RIF1: variants seen among roughly 807,000 people sequenced by gnomAD.
RIF1 encodes the protein replication timing regulatory factor 1.
RIF1 carries 45 observed loss-of-function variants against 247.1 expected under a neutral mutation model. The ratio of observed to expected loss-of-function variants is 0.18; its 90% confidence interval spans 0.14 to 0.23. RIF1 has a LOEUF of 0.23. RIF1 is among the 10% of genes least tolerant of loss of function. The pLI is 1.00. For synonymous variants in RIF1, 1,087 were observed against 978.8 expected, an observed-to-expected ratio of 1.11 and a Z score of -2.06; for missense variants, 2,967 against 2,862.5, an observed-to-expected ratio of 1.04 and a Z score of -0.83.
At chr2:151,525,575 G>A in the RIF1 span, among the ~76,000 whole-genome samples, 1 of 152,184 alleles carries the variant, frequency 6.6e-6, no homozygotes, top group African/African-American at 2.4e-5. Flanking sequence ...GGTTACTACA[G>A]CATTATTGAT....
At chr2:151,491,020 T>C (rs2056107034) in intron 9 of RIF1, among the ~76,000 whole-genome samples, 1 of 149,322 alleles carries the variant, frequency 6.7e-6, no homozygotes, top group Non-Finnish European at 1.5e-5. Context: ...CTTTGAGGAC[T>C]GTCTCTACAT....
At position 151,464,666 on chromosome 2, in the gene RIF1, C is replaced by G; in HGVS notation, c.5146C>G (p.Leu1716Val). 6.2e-7 allele frequency: 1 copy of G among 1,612,944 alleles called. No individual in the cohort carries two copies. Among genetic ancestry groups the G allele is most frequent in the Non-Finnish European group, 8.5e-7 (1 of 1,179,332 alleles). The change falls in exon 30 of 36, where the codon CTT becomes GTT. Residue 1716 changes from leucine (L) to valine (V), a missense_variant. Around this residue, in one of 7 missense-constraint regions of RIF1, gnomAD observed 2,028 missense variants for 1,825.6 expected, o/e 1.11. Transcript: ENST00000444746. The part of the protein sequence containing the change: ...SSLSEKTFQT[L>V]ECQHKRSRRV... Reference sequence around the variant, plus strand: ...GCTTTCAGAAAAAACTTTTCAAACACTTGAATGCCAACACAAGAGAAGTAG... The same window carrying G: ...GCTTTCAGAAAAAACTTTTCAAACAGTTGAATGCCAACACAAGAGAAGTAG...
rs1559038333 is a variant in RIF1, at chr2:151,474,871, G to A, written c.7219G>A (p.Val2407Ile). Residue 2407 changes from valine to isoleucine, a missense_variant, in exon 36 of 36, where the codon GTT becomes ATT. Val to Ile is a conservative substitution (Grantham distance 29). Coordinates refer to ENST00000444746, the MANE Select transcript of RIF1 (RefSeq NM_018151.5). Reference protein sequence around the residue: ...ERLVSDIIDPVALEIPLSKNL... With the variant: ...ERLVSDIIDPIALEIPLSKNL... Reference sequence around the variant, plus strand: ...TTCTCTTTTAGATATAATTGATCCTGTTGCTTTAGAAATTCCATTATCCAA... The same window carrying A: ...TTCTCTTTTAGATATAATTGATCCTATTGCTTTAGAAATTCCATTATCCAA... The A allele has an allele frequency of 3.9e-6, 6 of 1,541,194 alleles. No homozygotes were observed. Among genetic ancestry groups the A allele is most frequent in the Non-Finnish European group, 5.4e-6 (6 of 1,115,492 alleles).
In RIF1 at chr2:151,491,716, T is replaced by C. The variant is rs1416760785; in HGVS notation, c.*416-3513T>C. 7 of 1,598,292 alleles carry C rather than the reference T, an allele frequency of 4.4e-6. No individual in the cohort carries two copies. In the Admixed American group the frequency reaches 1.0e-4, roughly 24 times the overall value. On this transcript the variant is annotated intron_variant and NMD_transcript_variant, in intron 9 of 13. Transcript: ENST00000454583. The stretch of plus-strand genomic sequence containing the variant: ...ATGTGTAAGCTTCGGGACTGGATGT[T>C]GTCTTCTGCTGGATCATAGTCAAAA...
rs775390477 is a variant in RIF1, at chr2:151,461,109, T to C, written c.3076-29T>C. 5 of 1,592,830 alleles carry C rather than the reference T, an allele frequency of 3.1e-6. No individual in the cohort carries two copies. In the East Asian group the frequency reaches 9.0e-5, roughly 29 times the overall value. ...GGAAAATAATTTGGAAGCTAAAATG[T>C]ACATTTGCTTATTTTTTCAAATCTG... On this transcript the variant is annotated intron_variant, in intron 26 of 35. Coordinates refer to ENST00000444746, the MANE Select transcript of RIF1 (RefSeq NM_018151.5).
intron 9 of RIF1, among the ~76,000 whole-genome samples, chr2:151,494,558 T>G (rs188261363): frequency 6.6e-6 from 1 of 152,294 alleles, no homozygotes; most frequent in East Asian, 1.9e-4. Flanking sequence ...TGAGAGATGA[T>G]CCAAACAGGA....
chr2:151,500,471 AAGAT>A (rs1476828795), intron 11 of RIF1, among the ~76,000 whole-genome samples: 5 of 152,134 alleles, frequency 3.3e-5, no homozygotes, highest in African/African-American at 9.7e-5. Context: ...ATATTAATAA[AAGAT>A]AACATTAAAT....
In RIF1 at chr2:151,476,748, T is replaced by C. The variant is rs1234856637; in HGVS notation, c.*1677T>C. ...ATTTCCTTAAAAGGAATTATAATTATGATTTACATTTTACATCATTAATTT... is the reference window on the plus strand; with the variant it reads ...ATTTCCTTAAAAGGAATTATAATTACGATTTACATTTTACATCATTAATTT... On this transcript the variant is annotated 3_prime_UTR_variant, in exon 36 of 36. Coordinates refer to ENST00000444746, the MANE Select transcript of RIF1 (RefSeq NM_018151.5). 6.6e-6 allele frequency: 1 copy of C among 152,230 alleles called. No individual in the cohort carries two copies. Among genetic ancestry groups the C allele is most frequent in the African/African-American group, 2.4e-5 (1 of 41,460 alleles). The allele number at this position is 152,230 out of a possible 1,614,324, so 9.4% of individuals were successfully genotyped here. A position where few individuals can be genotyped will look rare whatever the true frequency, so the allele number is the denominator to read the frequency against.
At chr2:151,460,443 A>G (rs2152483923) in intron 26 of RIF1, among the ~76,000 whole-genome samples, 1 of 152,376 alleles carries the variant, frequency 6.6e-6, no homozygotes, top group East Asian at 1.9e-4. Context: ...AAAATATTTT[A>G]GAACTTTTGT....
chr2:151,500,171 G>A (rs937441160), intron 11 of RIF1, among the ~76,000 whole-genome samples: 12 of 152,090 alleles, frequency 7.9e-5, no homozygotes, highest in Non-Finnish European at 1.6e-4. Flanking sequence ...AAAATTGAAG[G>A]ATTGTTAGTG....
At position 151,437,025 on chromosome 2, in the gene RIF1, A is replaced by G. The variant is rs1382786237; in HGVS notation, c.1372+22A>G. ...TTAGGTATTTAAAGGTTTTAAGAAT[A>G]ATTTTAATTACTAAAACAGTCTAGG... On this transcript the variant is annotated intron_variant, in intron 12 of 35. Transcript: ENST00000444746. 1.9e-6 allele frequency: 3 copies of G among 1,586,492 alleles called. No individual in the cohort carries two copies. The South Asian group carries it at 3.4e-5, about 18-fold the overall frequency.
intron 3 of RIF1, among the ~76,000 whole-genome samples, chr2:151,413,049 C>CTT (rs35203891): frequency 6.9e-6 from 1 of 144,580 alleles, no homozygotes; most frequent in Non-Finnish European, 1.5e-5. Flanking sequence ...CTATTGCATA[C>CTT]TTTTTTTTTT....
intron 20 of RIF1, 61 bp downstream of exon 20, chr2:151,446,636 T>C: frequency 6.6e-7 from 1 of 1,522,106 alleles, no homozygotes; most frequent in Non-Finnish European, 9.0e-7. Flanking sequence ...TTCAAGTAAA[T>C]GGAGATAATA....
Position 151,464,806 on chromosome 2 carries a change from A to G in RIF1, c.5286A>G (p.Thr1762=). The change falls in exon 30 of 36, where the codon ACA becomes ACG. Residue 1762 remains threonine, a synonymous_variant. Transcript: ENST00000444746. ...ATAATGACGTAGAGATTAGTGAAAC[A>G]AAAAAGGCAGATGTGCAAGCACCTG... is the stretch of plus-strand genomic sequence containing the variant. ...TENNDVEISE[T]KKADVQAPVS... The G allele has an allele frequency of 6.2e-7, 1 of 1,613,890 alleles. No homozygotes were observed. Among genetic ancestry groups the G allele is most frequent in the Non-Finnish European group, 8.5e-7 (1 of 1,179,902 alleles).
Position 151,465,837 on chromosome 2 carries a change from A to G in RIF1, c.6317A>G (p.Glu2106Gly), listed in dbSNP as rs1696795846. 1 of 1,613,396 alleles carries G rather than the reference A, an allele frequency of 6.2e-7. No individual in the cohort carries two copies. The highest frequency in any genetic ancestry group is 8.5e-7 in the Non-Finnish European group (1 of 1,179,302). Residue 2106 changes from glutamate (E) to glycine (G), a missense_variant, in exon 30 of 36, where the codon GAA becomes GGA. By Grantham distance (98) the Glu-to-Gly change is moderately conservative (BLOSUM62 -2). This residue lies in a region of RIF1 where 2,028 missense variants were observed against 1,825.6 expected (regional missense o/e 1.11). Coordinates refer to ENST00000444746, the MANE Select transcript of RIF1 (RefSeq NM_018151.5). Reference protein sequence around the residue: ...EKLDNNQMVMESDILQEDHHT... With the variant: ...EKLDNNQMVMGSDILQEDHHT... ...TTAGATAACAATCAAATGGTAATGG[A>G]AAGTGATATTTTACAGGAAGATCAC...
At chr2:151,461,598 T>C (rs1696172310) in intron 27 of RIF1, among the ~76,000 whole-genome samples, 1 of 151,968 alleles carries the variant, frequency 6.6e-6, no homozygotes, top group Admixed American at 6.6e-5. Flanking sequence ...TTCACCATGT[T>C]AGCCAGGATG....
intron 26 of RIF1, 86 bp downstream of exon 26, chr2:151,460,205 A>C (rs1402056584): frequency 1.1e-5 from 12 of 1,060,706 alleles, no homozygotes; most frequent in Admixed American, 1.0e-4. Flanking sequence ...TGAAAGAACT[A>C]TAAAAGACTA....
At chr2:151,491,455 A>G (rs1306788987) in intron 9 of RIF1, 2 of 380,850 alleles carry the variant, frequency 5.3e-6, no homozygotes, top group Non-Finnish European at 9.8e-6. Context: ...TAGAAATGAT[A>G]ATAATGGGAG....
rs1250803729 is a variant in RIF1, at chr2:151,409,928, C to A, written c.-116C>A. 1.4e-6 allele frequency: 1 copy of A among 700,118 alleles called. No individual in the cohort carries two copies. Among genetic ancestry groups the A allele is most frequent in the Admixed American group, 2.0e-5 (1 of 49,932 alleles). The allele number at this position is 700,118 out of a possible 1,614,324, so 43.4% of individuals were successfully genotyped here. A position where few individuals can be genotyped will look rare whatever the true frequency, so the allele number is the denominator to read the frequency against. On this transcript the variant is annotated 5_prime_UTR_variant, in exon 1 of 36. Transcript: ENST00000444746. ...GCCGCCATCTTGGTCTAGGAGGGAG[C>A]GCGCCGCACGCGTGAGTAAACAGCC...
Sources: gnomAD v4.1 joint callset for allele counts (sites outside exome capture counted in the v4.1 genomes callset) on GRCh38, gnomAD v4.1.1 for gene constraint, gnomAD v4.1.1 regional missense constraint, MANE v1.5 for transcripts, NCBI Gene and HGNC (gene_info 2026-07-23, HGNC 2026-07-21) for gene names.